Variants in ZC3H13 observed in about 807,000 individuals in gnomAD.
ZC3H13 encodes the protein zinc finger CCCH domain-containing protein 13.
ZC3H13 carries 64 observed loss-of-function variants against 204.1 expected under a neutral mutation model. That is an observed-to-expected ratio of 0.31 (90% CI 0.26 to 0.39). The LOEUF (loss-of-function observed/expected upper bound fraction) is 0.39, where lower values mean the gene tolerates loss of function less well. ZC3H13 is among the 10% of genes least tolerant of loss of function. ZC3H13 has a pLI of 1.00. For missense variants in ZC3H13, 1,833 were observed against 2,082.7 expected (o/e 0.88, Z 2.33); for synonymous variants, 667 against 693.7 (o/e 0.96, Z 0.60).
In ZC3H13 at chr13:45,985,318, C is replaced by T; in HGVS notation, c.1699G>A (p.Val567Ile). Reference protein sequence around the residue: ...NDRMGRSRGRVPELPEKGSRG... With the variant: ...NDRMGRSRGRIPELPEKGSRG... ...TTACCCTTTTCAGGTAACTCAGGAA[C>T]CCTCCCCCTACTTCGGCCCATTCGG... The change falls in exon 10 of 19, where the codon GTT becomes ATT. Residue 567 changes from valine (V) to isoleucine (I), a missense_variant. By Grantham distance (29) the Val-to-Ile change is conservative. This residue lies in a region of ZC3H13 where 1,574 missense variants were observed against 1,757.2 expected (regional missense o/e 0.90). Coordinates refer to ENST00000679008, the MANE Select transcript of ZC3H13 (RefSeq NM_001330564.2). The T allele has an allele frequency of 6.2e-7, 1 of 1,613,282 alleles. No homozygotes were observed. Among genetic ancestry groups the T allele is most frequent in the Non-Finnish European group, 8.5e-7 (1 of 1,179,582 alleles).
At chr13:45,987,842 G>T (rs915835121) in intron 9 of ZC3H13, among the ~76,000 whole-genome samples, 8 of 152,112 alleles carry the variant, frequency 5.3e-5, no homozygotes, top group Admixed American at 5.2e-4. Context: ...TTGAATCTAC[G>T]AAGACCAGAA....
chr13:45,967,827 C>T lies in ZC3H13; in HGVS notation c.3998G>A (p.Arg1333His), dbSNP rs75503329. 1.6e-3 allele frequency: 2,582 copies of T among 1,613,646 alleles called. 4 individuals carry two copies. Among genetic ancestry groups the T allele is most frequent in the Non-Finnish European group, 1.9e-3 (2,297 of 1,179,814 alleles). ...TCGCAATCTATCTCGATCCCTGTTG[C>T]GTGGCCAATCTTTATCAGCATCTCG... is the stretch of plus-strand genomic sequence containing the variant. ...WDRDADKDWP[R>H]NRDRDRLRER... is the part of the protein sequence containing the mutation. The change falls in exon 15 of 19, where the codon CGC becomes CAC. Residue 1333 changes from arginine (R) to histidine (H), a missense_variant. By Grantham distance (29) the Arg-to-His change is conservative (BLOSUM62 0). This residue lies in a region of ZC3H13 where 1,574 missense variants were observed against 1,757.2 expected (regional missense o/e 0.90). Coordinates refer to ENST00000679008, the MANE Select transcript of ZC3H13 (RefSeq NM_001330564.2).
At chr13:45,965,600 C>T (rs1952015725) in intron 15 of ZC3H13, among the ~76,000 whole-genome samples, 168 bp from the exon 16 acceptor site, 1 of 151,844 alleles carries the variant, frequency 6.6e-6, no homozygotes, top group Non-Finnish European at 1.5e-5. Flanking sequence ...CAAAAGAAAA[C>T]AAAAATAAAA....
At chr13:45,986,432 T>C (rs1954199768) in intron 9 of ZC3H13, among the ~76,000 whole-genome samples, 1 of 152,184 alleles carries the variant, frequency 6.6e-6, no homozygotes, top group Admixed American at 6.5e-5. Context: ...ACTTTTTCTC[T>C]TTAAAATGAA....
At chr13:46,023,757 T>C (rs1238072628) in intron 4 of ZC3H13, among the ~76,000 whole-genome samples, 1 of 152,210 alleles carries the variant, frequency 6.6e-6, no homozygotes, top group East Asian at 1.9e-4. Context: ...TTAGTAACAG[T>C]GAAATCATCA....
At chr13:45,992,783 G>T (rs557589631) in intron 8 of ZC3H13, among the ~76,000 whole-genome samples, 3 of 152,130 alleles carry the variant, frequency 2.0e-5, no homozygotes, top group Non-Finnish European at 4.4e-5. Context: ...TCTACTGAGG[G>T]CCTGAACAGA....
intron 17 of ZC3H13, among the ~76,000 whole-genome samples, chr13:45,960,864 C>T (rs572700848): frequency 1.3e-5 from 2 of 152,208 alleles, no homozygotes; most frequent in East Asian, 1.9e-4. Context: ...AATACATAGC[C>T]GATTTCAATT....
At chr13:45,994,356 T>C (rs1208553595) in intron 8 of ZC3H13, among the ~76,000 whole-genome samples, 1 of 152,208 alleles carries the variant, frequency 6.6e-6, no homozygotes, top group Non-Finnish European at 1.5e-5. Flanking sequence ...GCACAGGGGT[T>C]GACCCCCTAC....
chr13:46,001,033 T>G (rs1566250093), intron 8 of ZC3H13: 1 of 152,220 alleles, frequency 6.6e-6, no homozygotes, highest in Non-Finnish European at 1.5e-5. Context: ...ATGGGTGCAG[T>G]TCACGACACC....
chr13:45,980,119 T>C (rs1338815196), intron 10 of ZC3H13, 115 bp from the exon 11 acceptor site: 1 of 932,216 alleles, frequency 1.1e-6, no homozygotes, highest in Non-Finnish European at 1.5e-6. Flanking sequence ...TATTCCAAAG[T>C]GTGGTAATCA....
At chr13:46,041,690 C>G (rs2043597661) in intron 4 of ZC3H13, among the ~76,000 whole-genome samples, 1 of 152,080 alleles carries the variant, frequency 6.6e-6, no homozygotes, top group Non-Finnish European at 1.5e-5. Flanking sequence ...GCTTCACTGC[C>G]AACAAATTCA....
rs1337813250 is a variant in ZC3H13 at position 45,968,903 on chromosome 13, G to C, written c.3641C>G (p.Ala1214Gly). 6.2e-7 allele frequency: 1 copy of C among 1,614,142 alleles called. No individual in the cohort carries two copies. The highest frequency in any genetic ancestry group is 1.7e-5 in the Admixed American group (1 of 60,010). Residue 1214 changes from alanine (A) to glycine (G), a missense_variant, in exon 14 of 19, where the codon GCC (alanine) becomes GGC (glycine). By Grantham distance (60) the Ala-to-Gly change is moderately conservative. Transcript: ENST00000679008. ...ACTTTGGTCATCTCCACTTCGATGG[G>C]CTGAATCATTGGATGGGGAGCGAAG... ...GRLRSPSNDS[A>G]HRSGDDQSGR...
intron 4 of ZC3H13, among the ~76,000 whole-genome samples, 159 bp downstream of exon 4, chr13:46,042,005 C>T (rs927853165): frequency 6.6e-6 from 1 of 151,968 alleles, no homozygotes; most frequent in African/African-American, 2.4e-5. Context: ...TCACAGTTTT[C>T]CCAGGGGACT....
At chr13:46,051,105 C>T (rs2139290156) in intron 1 of ZC3H13, among the ~76,000 whole-genome samples, 1 of 152,232 alleles carries the variant, frequency 6.6e-6, no homozygotes, top group East Asian at 1.9e-4. Context: ...AATGCCAATG[C>T]ATATTATAAA....
At chr13:46,049,333 C>G (rs1207126877) in intron 1 of ZC3H13, among the ~76,000 whole-genome samples, 1 of 151,766 alleles carries the variant, frequency 6.6e-6, no homozygotes, top group Non-Finnish European at 1.5e-5. Context: ...ATAAAATGTT[C>G]TTTAATGTGA....
chr13:46,025,948 C>T (rs2042518549), intron 4 of ZC3H13, among the ~76,000 whole-genome samples: 1 of 151,102 alleles, frequency 6.6e-6, no homozygotes, highest in African/African-American at 2.4e-5. Context: ...GTGCTTTGGC[C>T]TGAACGTTAG....
intron 4 of ZC3H13, among the ~76,000 whole-genome samples, chr13:46,025,211 G>A (rs2042467101): frequency 6.6e-6 from 1 of 152,042 alleles, no homozygotes; most frequent in Admixed American, 6.6e-5. Context: ...TGACATCAGA[G>A]GATTTTAAAC....
rs1172978854 is a variant in ZC3H13, at chr13:45,967,798, G to T, written c.4027C>A (p.Arg1343=). The T allele has an allele frequency of 1.2e-6, 2 of 1,612,290 alleles. No homozygotes were observed. The highest frequency in any genetic ancestry group is 4.5e-5 in the East Asian group (2 of 44,798). Residue 1343 remains arginine, a synonymous_variant, in exon 15 of 19, where the codon CGA becomes AGA. Coordinates refer to ENST00000679008, the MANE Select transcript of ZC3H13 (RefSeq NM_001330564.2). ...RNRDRDRLRE[R]ERERERDKRR... ...TTGTCTCGTTCTCTCTCTCGTTCTC[G>T]TTCTCGCAATCTATCTCGATCCCTG...
At chr13:46,032,380 C>G (rs67260464) in intron 4 of ZC3H13, among the ~76,000 whole-genome samples, 28 of 56,610 alleles carry the variant, frequency 4.9e-4, no homozygotes, top group Admixed American at 2.5e-3. Flanking sequence ...AAAAAAAAAA[C>G]AGAGAAAATG....
Sources: gnomAD v4.1 joint callset for allele counts (sites outside exome capture counted in the v4.1 genomes callset) on GRCh38, gnomAD v4.1.1 for gene constraint, gnomAD v4.1.1 regional missense constraint, MANE v1.5 for transcripts, NCBI Gene and HGNC (gene_info 2026-07-23, HGNC 2026-07-21) for gene names.